Variants in CYFIP2 observed in about 807,000 individuals in gnomAD.
CYFIP2 encodes the protein cytoplasmic FMR1 interacting protein 2, also known as cytoplasmic FMR1-interacting protein 2.
A neutral mutation model predicts 158.7 loss-of-function variants in CYFIP2; 29 were observed. That is an observed-to-expected ratio of 0.18 (90% CI 0.14 to 0.25). The LOEUF is 0.25. CYFIP2 is among the 10% of genes least tolerant of loss of function. The probability of loss-of-function intolerance (pLI) is 1.00; values close to 1 mark genes in which losing one functional copy is unlikely to be tolerated. For missense variants in CYFIP2, 852 were observed against 1,639.5 expected (o/e 0.52, Z 8.29); for synonymous variants, 585 against 617.6 (o/e 0.95, Z 0.78).
At chr5:157,307,293 A>C (rs1759314116) in intron 8 of CYFIP2, among the ~76,000 whole-genome samples, 1 of 152,238 alleles carries the variant, frequency 6.6e-6, no homozygotes, top group Non-Finnish European at 1.5e-5. Context: ...TACAGCAAGG[A>C]GCTAGGAGTA....
chr5:157,327,201 T>C (rs1310071830), intron 18 of CYFIP2, among the ~76,000 whole-genome samples: 1 of 152,198 alleles, frequency 6.6e-6, no homozygotes, highest in Non-Finnish European at 1.5e-5. Context: ...AAGACTTTAT[T>C]CATTAAAAAC....
chr5:157,358,349 C>T (rs1452486508), intron 23 of CYFIP2, among the ~76,000 whole-genome samples: 1 of 152,204 alleles, frequency 6.6e-6, no homozygotes, highest in African/African-American at 2.4e-5. Context: ...CTCCATTTTG[C>T]CTGCTTCACA....
At chr5:157,296,477 C>T (rs1758263233) in intron 4 of CYFIP2, 196 bp from the exon 5 acceptor site, 1 of 579,640 alleles carries the variant, frequency 1.7e-6, no homozygotes, top group Non-Finnish European at 3.3e-6. Context: ...GCCTGAAGTC[C>T]CACCTACTTG....
chr5:157,335,932 A>G (rs1477577046), intron 21 of CYFIP2, among the ~76,000 whole-genome samples: 3 of 152,126 alleles, frequency 2.0e-5, no homozygotes. Context: ...AAAGCACTAA[A>G]TGTTCTTTTA....
At chr5:157,371,801 C>CA (rs1357955024) in intron 26 of CYFIP2, among the ~76,000 whole-genome samples, 3 of 152,168 alleles carry the variant, frequency 2.0e-5, no homozygotes, top group Non-Finnish European at 4.4e-5. Flanking sequence ...GAGTTCCTTA[C>CA]AGTAAAATAT....
intron 29 of CYFIP2, 125 bp downstream of exon 29, chr5:157,389,552 T>C (rs1277174326): frequency 3.8e-6 from 3 of 788,816 alleles, no homozygotes; most frequent in Non-Finnish European, 5.9e-6. Flanking sequence ...ACAACTACTT[T>C]GTTGAGTGTG....
At chr5:157,379,539 C>G in intron 26 of CYFIP2, among the ~76,000 whole-genome samples, 1 of 151,738 alleles carries the variant, frequency 6.6e-6, no homozygotes. Context: ...AGCTTGGTGG[C>G]ACTTACCTGT....
intron 26 of CYFIP2, among the ~76,000 whole-genome samples, chr5:157,375,090 C>T (rs867967739): frequency 9.2e-5 from 14 of 152,088 alleles, no homozygotes; most frequent in African/African-American, 2.9e-4. Context: ...TTAAAGGCAC[C>T]CAGGAATCCT....
Position 157,392,862 on chromosome 5 carries a change from G to A in CYFIP2, c.3624G>A (p.Arg1208=), listed in dbSNP as rs1304367554. The change falls in exon 31 of 31, where the codon AGG becomes AGA. Residue 1208 remains arginine (R), a synonymous_variant. Transcript: ENST00000620254. The part of the protein sequence containing the change: ...VPLKKMADRI[R]KYQILNNEVF... Reference sequence around the variant, plus strand: ...TGAAGAAGATGGCCGACCGGATCAGGAAGTATCAGATCTTGAACAATGAGG... The same window carrying A: ...TGAAGAAGATGGCCGACCGGATCAGAAAGTATCAGATCTTGAACAATGAGG... 6.2e-7 allele frequency: 1 copy of A among 1,613,812 alleles called. No homozygotes were observed. Among genetic ancestry groups the A allele is most frequent in the African/African-American group, 1.3e-5 (1 of 74,890 alleles).
chr5:157,296,277 G>C (rs1425423516), intron 4 of CYFIP2, among the ~76,000 whole-genome samples: 2 of 152,160 alleles, frequency 1.3e-5, no homozygotes, highest in African/African-American at 2.4e-5. Context: ...AGGTGTATTT[G>C]AGAGTGAAAA....
At chr5:157,312,750 T>G (rs1581036433) in intron 11 of CYFIP2, among the ~76,000 whole-genome samples, 1 of 152,396 alleles carries the variant, frequency 6.6e-6, no homozygotes, top group East Asian at 1.9e-4. Flanking sequence ...GTCATTAGAC[T>G]TGTGGCCCAC....
At chr5:157,359,568 T>C (rs1763659638) in intron 24 of CYFIP2, among the ~76,000 whole-genome samples, 1 of 152,348 alleles carries the variant, frequency 6.6e-6, no homozygotes, top group East Asian at 1.9e-4. Context: ...GGCATCATGC[T>C]TCTTTCCCTT....
Position 157,346,184 on chromosome 5 carries a change from G to C in CYFIP2, c.2673+5027G>C, listed in dbSNP as rs73815851. 2.7e-3 allele frequency among the ~76,000 whole-genome samples: 407 copies of C among 152,146 alleles called. 3 individuals are homozygous for C. The highest frequency in any genetic ancestry group is 8.8e-3 in the African/African-American group (365 of 41,484). On this transcript the variant is annotated intron_variant, in intron 23 of 30. Transcript: ENST00000620254. ...CCATCATCTGTAAAGCTGTGGGCTTGGGCTACATCAGGATGGCAGATCAGA... is the reference window on the plus strand; with the variant it reads ...CCATCATCTGTAAAGCTGTGGGCTTCGGCTACATCAGGATGGCAGATCAGA...
At chr5:157,366,611 G>C (rs1332219467) in intron 26 of CYFIP2, among the ~76,000 whole-genome samples, 1 of 152,116 alleles carries the variant, frequency 6.6e-6, no homozygotes, top group Non-Finnish European at 1.5e-5. Flanking sequence ...CCTTCTTCCT[G>C]CAATCTGTAG....
chr5:157,337,449 C>T (rs1253238705), intron 21 of CYFIP2, among the ~76,000 whole-genome samples: 2 of 152,216 alleles, frequency 1.3e-5, no homozygotes, highest in African/African-American at 4.8e-5. Context: ...TGGACCCACT[C>T]CCCAAACTTT....
intron 2 of CYFIP2, among the ~76,000 whole-genome samples, chr5:157,286,559 T>TAC (rs1757403582): frequency 8.4e-6 from 1 of 118,844 alleles, no homozygotes; most frequent in Admixed American, 8.5e-5. Context: ...TATGTATATA[T>TAC]ATATATATAT....
At chr5:157,386,181 T>C (rs1463143932) in intron 28 of CYFIP2, among the ~76,000 whole-genome samples, 1 of 152,194 alleles carries the variant, frequency 6.6e-6, no homozygotes, top group Non-Finnish European at 1.5e-5. Context: ...TTAAAATTTT[T>C]CATCTCAAGT....
chr5:157,324,836 G>A (rs11748354), intron 16 of CYFIP2: 31,164 of 150,442 alleles, frequency 0.21, 3,443 homozygotes, highest in Middle Eastern at 0.26. Flanking sequence ...CGCAACCTCC[G>A]CTTCCCAGGT....
intron 19 of CYFIP2, 69 bp from the exon 20 acceptor site, chr5:157,330,673 A>T (rs1581075502): frequency 1.7e-6 from 2 of 1,168,732 alleles, no homozygotes; most frequent in Admixed American, 1.8e-5. Flanking sequence ...TCTGAAATAG[A>T]TGTATCTGGG....
Sources: gnomAD v4.1 joint callset for allele counts (sites outside exome capture counted in the v4.1 genomes callset) on GRCh38, gnomAD v4.1.1 for gene constraint, MANE v1.5 for transcripts, NCBI Gene and HGNC (gene_info 2026-07-23, HGNC 2026-07-21) for gene names.